NANS: variants seen among roughly 807,000 people sequenced by gnomAD.
The protein encoded by NANS is N-acetylneuraminate synthase.
In NANS, 29 loss-of-function variants were observed where a neutral mutation model predicts 33.3. The observed-to-expected ratio is 0.87, with a 90% CI of 0.65 to 1.19. The LOEUF is 1.19. Ranked by LOEUF, NANS falls within the 50% of genes most tolerant of loss-of-function variation. The pLI is 0.00. For synonymous variants in NANS, 163 were observed against 177.2 expected (o/e 0.92, Z 0.64); for missense variants, 394 against 461.1 (o/e 0.85, Z 1.33).
intron 2 of NANS, among the ~76,000 whole-genome samples, chr9:98,062,381 G>A (rs554347315): frequency 2.0e-5 from 3 of 152,222 alleles, no homozygotes; most frequent in South Asian, 2.1e-4. Flanking sequence ...GAAGAGTACA[G>A]CTCGTGCCAG....
intron 4 of NANS, among the ~76,000 whole-genome samples, chr9:98,079,232 C>T (rs2117989351): frequency 6.6e-6 from 1 of 152,324 alleles, no homozygotes; most frequent in South Asian, 2.1e-4. Flanking sequence ...CTCTTACTGT[C>T]TCACGCCATC....
intron 2 of NANS, among the ~76,000 whole-genome samples, chr9:98,066,711 T>C (rs1380910511): frequency 6.6e-6 from 1 of 151,440 alleles, no homozygotes; most frequent in Non-Finnish European, 1.5e-5. Context: ...AGTGCAGTGG[T>C]AGGATCTTGG....
chr9:98,061,994 G>A (rs1161329277), intron 2 of NANS, among the ~76,000 whole-genome samples: 1 of 151,762 alleles, frequency 6.6e-6, no homozygotes, highest in Non-Finnish European at 1.5e-5. Context: ...GGCTGAGCTG[G>A]AAGGACTGCT....
At chr9:98,061,145 AGTGAGAATCT>A (rs1828963330) in intron 2 of NANS, 148 bp downstream of exon 2, 1 of 708,890 alleles carries the variant, frequency 1.4e-6, no homozygotes, top group Admixed American at 2.8e-5. Flanking sequence ...GCCAAAGCCC[AGTGAGAATCT>A]GTGGGAAGGA....
intron 2 of NANS, among the ~76,000 whole-genome samples, chr9:98,067,557 C>G (rs1829184772): frequency 6.6e-6 from 1 of 152,112 alleles, no homozygotes; most frequent in Non-Finnish European, 1.5e-5. Context: ...GATCCTTTGT[C>G]AGTTTTAAGA....
chr9:98,068,361 A>T (rs1035294217), intron 2 of NANS, among the ~76,000 whole-genome samples: 16 of 151,892 alleles, frequency 1.1e-4, no homozygotes, highest in African/African-American at 3.6e-4. Context: ...GCTGGTCTCG[A>T]ACTCCTGATC....
At chr9:98,077,795 G>C (rs1434367977) in intron 3 of NANS, among the ~76,000 whole-genome samples, 2 of 152,206 alleles carry the variant, frequency 1.3e-5, no homozygotes, top group African/African-American at 4.8e-5. Flanking sequence ...GAGACGGACA[G>C]TACTCTGCCC....
chr9:98,077,587 G>A (rs1829647354), intron 3 of NANS, among the ~76,000 whole-genome samples: 1 of 152,086 alleles, frequency 6.6e-6, no homozygotes, highest in African/African-American at 2.4e-5. Flanking sequence ...GTATGGTGGT[G>A]CATTACTGTG....
chr9:98,071,445 T>G (rs1198798254), intron 2 of NANS, among the ~76,000 whole-genome samples: 1 of 152,242 alleles, frequency 6.6e-6, no homozygotes, highest in Non-Finnish European at 1.5e-5. Context: ...GCCTGTTTTC[T>G]TCAGTTGTAA....
intron 4 of NANS, among the ~76,000 whole-genome samples, chr9:98,079,064 T>G (rs1405059532): frequency 2.0e-5 from 3 of 152,154 alleles, no homozygotes; most frequent in Non-Finnish European, 2.9e-5. Flanking sequence ...CTAGTTATAG[T>G]GACAGCCTTG....
In NANS at chr9:98,081,089, C is replaced by T; in HGVS notation, c.870+7C>T. ...GATGGCCTGCAATGAGAAGGTGTGT[C>T]CTGCCGGACTCTACTCGGTTCTGCT... is the stretch of plus-strand genomic sequence containing the variant. On this transcript the variant is annotated splice_region_variant and intron_variant, in intron 5 of 5. Coordinates refer to ENST00000210444, the MANE Select transcript of NANS (RefSeq NM_018946.4). 1 of 1,613,992 alleles carries T rather than the reference C, an allele frequency of 6.2e-7. No homozygotes were observed. The highest frequency in any genetic ancestry group is 1.3e-5 in the African/African-American group (1 of 75,036).
intron 2 of NANS, among the ~76,000 whole-genome samples, chr9:98,065,264 G>A (rs1312619301): frequency 6.7e-6 from 1 of 149,814 alleles, no homozygotes; most frequent in African/African-American, 2.5e-5. Context: ...TTTAGCTTCT[G>A]GTGAAATAAT....
intron 2 of NANS, among the ~76,000 whole-genome samples, chr9:98,067,488 G>A (rs139674846): frequency 1.6e-4 from 24 of 152,274 alleles, no homozygotes; most frequent in African/African-American, 3.8e-4. Context: ...TTTCTCTGAT[G>A]CATCTTTTCA....
chr9:98,079,096 G>A (rs752663626), intron 4 of NANS, among the ~76,000 whole-genome samples: 4 of 151,934 alleles, frequency 2.6e-5, no homozygotes, highest in Non-Finnish European at 5.9e-5. Context: ...TCTCTCCCAC[G>A]ATTTTGCCTA....
chr9:98,081,473 C>A, intron 5 of NANS: 1 of 183,194 alleles, frequency 5.5e-6, no homozygotes. Flanking sequence ...GCACGGTGTT[C>A]CCTGAGGTAC....
At chr9:98,073,271 CTTTTTTTTTTTTTTTTT>C (rs10606237) in intron 2 of NANS, among the ~76,000 whole-genome samples, 6 of 57,844 alleles carry the variant, frequency 1.0e-4, no homozygotes, top group Admixed American at 2.1e-4. Flanking sequence ...TCACCATGGG[CTTTTTTTTTTTTTTTTT>C]TTTTTTTTTT....
At chr9:98,059,387 T>C (rs1003131341) in intron 1 of NANS, among the ~76,000 whole-genome samples, 4 of 151,952 alleles carry the variant, frequency 2.6e-5, no homozygotes, top group South Asian at 2.1e-4. Context: ...GATGGGACTT[T>C]AGTGGGTTTT....
intron 4 of NANS, among the ~76,000 whole-genome samples, chr9:98,079,769 G>A (rs1348332434): frequency 6.6e-6 from 1 of 152,136 alleles, no homozygotes; most frequent in Non-Finnish European, 1.5e-5. Context: ...ACTACACATT[G>A]CAGGAGTTAT....
Position 98,077,231 on chromosome 9 carries a change from A to G in NANS, c.448+214A>G, listed in dbSNP as rs368489156. ...TCCCATCTCGACCTCCCAAAGTGCTAGGATTACAGGCATGAGCCACTGTGC... is the reference window on the plus strand; with the variant it reads ...TCCCATCTCGACCTCCCAAAGTGCTGGGATTACAGGCATGAGCCACTGTGC... On this transcript the variant is annotated intron_variant, in intron 3 of 5. Transcript: ENST00000210444. Among the ~76,000 whole-genome samples the G allele has an allele frequency of 2.6e-5, 4 of 151,986 alleles. No homozygotes were observed. The East Asian group carries it at 5.8e-4, about 22-fold the overall frequency.
Sources: allele counts gnomAD v4.1 joint callset (sites outside exome capture counted in the v4.1 genomes callset), GRCh38; gene constraint gnomAD v4.1.1; transcripts MANE v1.5; gene names NCBI Gene and HGNC (gene_info 2026-07-23, HGNC 2026-07-21).